Variants in UBXN8 observed in about 807,000 individuals in gnomAD.
UBXN8 encodes the protein UBX domain-containing protein 8.
UBXN8 carries 27 observed loss-of-function variants against 32.1 expected under a neutral mutation model. The ratio of observed to expected loss-of-function variants is 0.84; its 90% CI spans 0.62 to 1.16. UBXN8 has a LOEUF of 1.16. Ranked by LOEUF, UBXN8 falls within the 50% of genes most tolerant of loss-of-function variation. UBXN8 has a pLI of 0.00. For synonymous variants in UBXN8, 109 were observed against 111.8 expected (o/e 0.98, Z 0.16); for missense variants, 306 against 311.4 (o/e 0.98, Z 0.13).
intron 1 of UBXN8, among the ~76,000 whole-genome samples, chr8:30,738,947 A>T (rs1271474406): frequency 1.3e-5 from 2 of 150,534 alleles, no homozygotes; most frequent in African/African-American, 4.9e-5. Flanking sequence ...CAAGAGTGAA[A>T]CTCCATCTCA....
chr8:30,734,122 T>A (rs1177868386), intron 1 of UBXN8: 1 of 152,112 alleles, frequency 6.6e-6, no homozygotes, highest in Non-Finnish European at 1.5e-5. Flanking sequence ...CTGAGCCCGG[T>A]AGGCAAAGGA....
chr8:30,762,592 C>T (rs868567529), intron 6 of UBXN8, among the ~76,000 whole-genome samples: 3 of 151,758 alleles, frequency 2.0e-5, no homozygotes, highest in East Asian at 3.9e-4. Flanking sequence ...GGGGTTTCAC[C>T]GTGTTGGCCA....
chr8:30,760,987 T>A (rs966697750), intron 6 of UBXN8, 58 bp downstream of exon 6: 44 of 1,231,296 alleles, frequency 3.6e-5, no homozygotes, highest in Non-Finnish European at 4.9e-5. Flanking sequence ...TTGCTTAACA[T>A]CCATTAAATA....
At chr8:30,736,594 TC>T (rs764693530) in intron 1 of UBXN8, among the ~76,000 whole-genome samples, 10 of 152,130 alleles carry the variant, frequency 6.6e-5, no homozygotes, top group Non-Finnish European at 1.5e-4. Flanking sequence ...TGCTTCAGCC[TC>T]CTGAGTAGCT....
intron 6 of UBXN8, 27 bp from the exon 7 acceptor site, chr8:30,763,246 G>A: frequency 1.2e-6 from 2 of 1,609,548 alleles, no homozygotes; most frequent in Non-Finnish European, 1.7e-6. Context: ...ATGGATCGGA[G>A]TTCTTATGTG....
At chr8:30,740,414 G>A, upstream of UBXN8, among the ~76,000 whole-genome samples, 1 of 540 alleles carries the variant, frequency 1.9e-3, no homozygotes, top group African/African-American at 0.01. Context: ...TTAAGGAGCA[G>A]AAAACAGGCC....
intron 1 of UBXN8, among the ~76,000 whole-genome samples, chr8:30,745,088 A>G (rs193213340): frequency 2.7e-4 from 41 of 152,324 alleles, no homozygotes; most frequent in Non-Finnish European, 5.0e-4. Context: ...AGGTCACTCG[A>G]TTCTGTATGG....
chr8:30,746,563 C>T (rs2128753166), intron 1 of UBXN8, among the ~76,000 whole-genome samples: 2 of 133,184 alleles, frequency 1.5e-5, no homozygotes, highest in Middle Eastern at 7.6e-3. Context: ...CACTCTGTCA[C>T]CCAGGCTGGA....
chr8:30,742,213 A>G (rs968974388), upstream of UBXN8, among the ~76,000 whole-genome samples: 3 of 152,202 alleles, frequency 2.0e-5, no homozygotes, highest in African/African-American at 7.2e-5. Context: ...GCTGTAATTT[A>G]TATTACCTCA....
intron 5 of UBXN8, among the ~76,000 whole-genome samples, chr8:30,757,465 T>C (rs1043177184): frequency 6.6e-6 from 1 of 151,836 alleles, no homozygotes; most frequent in African/African-American, 2.4e-5. Flanking sequence ...GACAGGAGAA[T>C]CGCTTGAACC....
chr8:30,735,971 G>A (rs886534518), intron 1 of UBXN8, among the ~76,000 whole-genome samples: 3 of 152,224 alleles, frequency 2.0e-5, no homozygotes, highest in African/African-American at 4.8e-5. Context: ...AACAATTTGA[G>A]AAATTTATGC....
chr8:30,754,570 T>G, intron 3 of UBXN8, 95 bp from the exon 4 acceptor site: 1 of 1,456,112 alleles, frequency 6.9e-7, no homozygotes. Context: ...GCCAGCAGGG[T>G]TCTTACTTGG....
chr8:30,730,127 G>T (rs954426341), upstream of UBXN8, among the ~76,000 whole-genome samples: 1 of 152,264 alleles, frequency 6.6e-6, no homozygotes, highest in Non-Finnish European at 1.5e-5. Flanking sequence ...ATATCCCTAG[G>T]CCACCCAGAG....
chr8:30,729,198 C>G (rs899019267), upstream of UBXN8, among the ~76,000 whole-genome samples: 1 of 152,204 alleles, frequency 6.6e-6, no homozygotes, highest in South Asian at 2.1e-4. Context: ...GCTTGAGCGA[C>G]GCGGATCCTG....
chr8:30,763,407 C>T lies in UBXN8; in HGVS notation c.645+60C>T, dbSNP rs1586107909. ...TTGTTGAATATGGCAGTAGTTTATT[C>T]ACATGCCGTGGGGGAAGGTGTGATC... On this transcript the variant is annotated intron_variant, in intron 7 of 7. Transcript: ENST00000265616. 4.0e-6 allele frequency: 6 copies of T among 1,508,240 alleles called. 1 individual carries two copies. In the African/African-American group the frequency reaches 4.1e-5, roughly 10 times the overall value. 93.4% of individuals were successfully genotyped at this position (1,508,240 alleles called of 1,614,324 possible). A position where few individuals can be genotyped will look rare whatever the true frequency, so the allele number is the denominator to read the frequency against.
chr8:30,744,360 G>T, intron 1 of UBXN8, 83 bp downstream of exon 1: 1 of 1,391,292 alleles, frequency 7.2e-7, no homozygotes, highest in South Asian at 1.2e-5. Context: ...CTCTTCGGCT[G>T]CGTGGCTTCG....
intron 2 of UBXN8, among the ~76,000 whole-genome samples, chr8:30,752,396 C>T (rs527428945): frequency 2.0e-5 from 3 of 152,294 alleles, no homozygotes; most frequent in Admixed American, 2.0e-4. Context: ...CAACCTCCTC[C>T]TCCCAGGCTC....
At chr8:30,731,527 A>G (rs1463574256), upstream of UBXN8, among the ~76,000 whole-genome samples, 2 of 152,186 alleles carry the variant, frequency 1.3e-5, no homozygotes, top group African/African-American at 4.8e-5. Context: ...TCTCTTTTAC[A>G]GAGCACGGCT....
chr8:30,748,821 A>C (rs1805431177), intron 1 of UBXN8, among the ~76,000 whole-genome samples: 2 of 152,152 alleles, frequency 1.3e-5, no homozygotes. Context: ...GATTACAGGC[A>C]TGAGCCATCT....
Sources: allele counts gnomAD v4.1 joint callset (sites outside exome capture counted in the v4.1 genomes callset), GRCh38; gene constraint gnomAD v4.1.1; transcripts MANE v1.5; gene names NCBI Gene and HGNC (gene_info 2026-07-23, HGNC 2026-07-21).